TMEM38B: variants seen among roughly 807,000 people sequenced by gnomAD.
TMEM38B encodes transmembrane protein 38B.
TMEM38B carries 24 observed loss-of-function variants against 28.7 expected under a neutral mutation model. That is an observed-to-expected ratio of 0.84 (90% CI 0.61 to 1.18). The LOEUF (loss-of-function observed/expected upper bound fraction) is 1.18. Among genes scored for constraint, TMEM38B ranks in the 50% most tolerant of loss-of-function variants. TMEM38B has a pLI of 0.00. For synonymous variants in TMEM38B, 131 were observed against 127.7 expected (o/e 1.03, Z -0.17); for missense variants, 380 against 350.9 (o/e 1.08, Z -0.66).
chr9:105,772,073 T>G (rs984117704), intron 5 of TMEM38B, among the ~76,000 whole-genome samples: 1 of 152,220 alleles, frequency 6.6e-6, no homozygotes, highest in African/African-American at 2.4e-5. Context: ...GGGGTCTTAC[T>G]TTAAGCCTGA....
intron 5 of TMEM38B, among the ~76,000 whole-genome samples, chr9:105,767,288 CT>C (rs966003999): frequency 4.6e-5 from 7 of 152,062 alleles, no homozygotes; most frequent in Admixed American, 2.6e-4. Flanking sequence ...AGACTATATT[CT>C]GTTCTATTGA....
At chr9:105,736,969 T>C (rs1284869769) in intron 4 of TMEM38B, among the ~76,000 whole-genome samples, 2 of 152,186 alleles carry the variant, frequency 1.3e-5, no homozygotes, top group East Asian at 3.9e-4. Context: ...GCAAGGACTT[T>C]TGGGGTCCTC....
intron 4 of TMEM38B, among the ~76,000 whole-genome samples, chr9:105,733,932 C>T (rs1433212878): frequency 6.6e-6 from 1 of 151,700 alleles, no homozygotes; most frequent in Non-Finnish European, 1.5e-5. Context: ...TGATTTTTTT[C>T]CCCTATGTTT....
chr9:105,771,188 A>C (rs1826531627), intron 5 of TMEM38B, among the ~76,000 whole-genome samples: 1 of 152,148 alleles, frequency 6.6e-6, no homozygotes. Context: ...AATTTAGGTA[A>C]TATACTTTTT....
intron 5 of TMEM38B, among the ~76,000 whole-genome samples, chr9:105,749,466 A>G (rs991853702): frequency 6.6e-6 from 1 of 152,182 alleles, no homozygotes; most frequent in African/African-American, 2.4e-5. Flanking sequence ...ACAGCACAGG[A>G]AAGACCCTCA....
intron 5 of TMEM38B, among the ~76,000 whole-genome samples, chr9:105,772,532 G>T (rs1160716776): frequency 2.0e-5 from 3 of 152,026 alleles, no homozygotes; most frequent in Non-Finnish European, 4.4e-5. Context: ...GCCTATTTCA[G>T]TTGTTTCCCA....
At chr9:105,740,967 G>A (rs193059612) in intron 4 of TMEM38B, among the ~76,000 whole-genome samples, 25 of 140,426 alleles carry the variant, frequency 1.8e-4, no homozygotes, top group Admixed American at 4.9e-4. Context: ...AAATGTTACC[G>A]ATATGGGAAC....
chr9:105,764,967 A>G (rs1826315177), intron 5 of TMEM38B, among the ~76,000 whole-genome samples: 1 of 152,184 alleles, frequency 6.6e-6, no homozygotes. Context: ...ACCTGAGAAA[A>G]ACAAGCAATG....
rs184510009 is a variant in TMEM38B, at chr9:105,745,880, G to T, written c.543-2193G>T. ...TGTTTTTGTCAGGTTTGTCAAAGAT[G>T]AAATAGTTGTAGATGTGTGGTATTA... On this transcript the variant is annotated intron_variant, in intron 4 of 5. Coordinates refer to ENST00000374692, the MANE Select transcript of TMEM38B (RefSeq NM_018112.3). 2.0e-5 allele frequency among the ~76,000 whole-genome samples: 3 copies of T among 152,168 alleles called. No homozygotes were observed. In the East Asian group the frequency reaches 5.8e-4, roughly 29 times the overall value.
At chr9:105,705,852 C>G in intron 2 of TMEM38B, 99 bp downstream of exon 2, 1 of 1,285,894 alleles carries the variant, frequency 7.8e-7, no homozygotes, top group Non-Finnish European at 1.0e-6. Context: ...ATTTTACGTG[C>G]TTGAAAAGTT....
At chr9:105,723,334 A>G (rs914982720) in intron 4 of TMEM38B, among the ~76,000 whole-genome samples, 2 of 151,478 alleles carry the variant, frequency 1.3e-5, no homozygotes, top group Admixed American at 6.6e-5. Flanking sequence ...TAATCCTCCC[A>G]CTTCAGCCTC....
intron 4 of TMEM38B, among the ~76,000 whole-genome samples, chr9:105,746,812 T>C (rs544758715): frequency 3.9e-5 from 6 of 152,296 alleles, no homozygotes; most frequent in East Asian, 1.9e-4. Flanking sequence ...TGTCAAAGGC[T>C]TTTTCTGCAT....
chr9:105,699,296 T>G (rs373827378), intron 1 of TMEM38B, among the ~76,000 whole-genome samples: 1 of 152,198 alleles, frequency 6.6e-6, no homozygotes, highest in African/African-American at 2.4e-5. Flanking sequence ...TATGCATTAC[T>G]TAATTGGCAA....
chr9:105,734,353 G>A (rs909679074), intron 4 of TMEM38B, among the ~76,000 whole-genome samples: 1 of 151,928 alleles, frequency 6.6e-6, no homozygotes, highest in African/African-American at 2.4e-5. Flanking sequence ...TTGTTTTGCA[G>A]CCTAACATGT....
intron 4 of TMEM38B, among the ~76,000 whole-genome samples, chr9:105,725,473 C>A (rs1335442398): frequency 1.3e-5 from 2 of 151,128 alleles, no homozygotes; most frequent in Non-Finnish European, 2.9e-5. Flanking sequence ...TGTATATAGT[C>A]ATGTGTTGCT....
At chr9:105,755,649 A>C (rs999587613) in intron 5 of TMEM38B, among the ~76,000 whole-genome samples, 2 of 152,198 alleles carry the variant, frequency 1.3e-5, no homozygotes, top group Non-Finnish European at 2.9e-5. Context: ...AATTGACTTG[A>C]GAATAATTGC....
In TMEM38B at chr9:105,694,602, G is replaced by A; in HGVS notation, c.-59G>A. On this transcript the variant is annotated 5_prime_UTR_variant, in exon 1 of 6. Coordinates refer to ENST00000374692, the MANE Select transcript of TMEM38B (RefSeq NM_018112.3). ...GCTGTGCCCTCTCCTACTCCTCACC[G>A]CGCGAGCGCGGGGAACCAGTAGCCG... is the stretch of plus-strand genomic sequence containing the variant. 6.8e-7 allele frequency: 1 copy of A among 1,467,100 alleles called. No individual in the cohort carries two copies. The highest frequency in any genetic ancestry group is 9.5e-7 in the Non-Finnish European group (1 of 1,050,402). 90.9% of individuals were successfully genotyped at this position (1,467,100 alleles called of 1,614,324 possible).
chr9:105,744,008 G>T (rs10156571), intron 4 of TMEM38B, among the ~76,000 whole-genome samples: 27,612 of 151,776 alleles, frequency 0.18, 3,717 homozygotes, highest in East Asian at 0.47. Flanking sequence ...TGTGAAGAAA[G>T]GTATTTAACT....
chr9:105,759,340 C>A, intron 5 of TMEM38B: 1 of 1,063,686 alleles, frequency 9.4e-7, no homozygotes, highest in Non-Finnish European at 1.4e-6. Context: ...TCCTTCAAAT[C>A]AATGGAGTGC....
Sources: allele counts gnomAD v4.1 joint callset (sites outside exome capture counted in the v4.1 genomes callset), GRCh38; gene constraint gnomAD v4.1.1; transcripts MANE v1.5; gene names NCBI Gene and HGNC (gene_info 2026-07-23, HGNC 2026-07-21).